Variants in DGKG observed in about 807,000 individuals in gnomAD.
The protein encoded by DGKG is diacylglycerol kinase gamma.
In DGKG, 78 loss-of-function variants were observed where a neutral mutation model predicts 105.3. The observed-to-expected ratio is 0.74, with a 90% CI of 0.62 to 0.89. The LOEUF is 0.89. Among genes scored for constraint, DGKG ranks in the 40% least tolerant of loss-of-function variants. The pLI, the probability that DGKG is intolerant of heterozygous loss-of-function variation, is 0.00. For missense variants in DGKG, 958 were observed against 1,020.1 expected (o/e 0.94, Z 0.83); for synonymous variants, 346 against 367.1 (o/e 0.94, Z 0.66).
chr3:186,269,582 A>T (rs1171916962), intron 11 of DGKG, among the ~76,000 whole-genome samples: 1 of 152,208 alleles, frequency 6.6e-6, no homozygotes, highest in Non-Finnish European at 1.5e-5. Flanking sequence ...AGACATCCTA[A>T]TGCCCAGCCG....
intron 21 of DGKG, among the ~76,000 whole-genome samples, chr3:186,202,803 GC>G (rs1718538010): frequency 6.6e-6 from 1 of 152,128 alleles, no homozygotes; most frequent in African/African-American, 2.4e-5. Flanking sequence ...ACTTTCTTGG[GC>G]CCCATCTATT....
chr3:186,346,095 A>G (rs966156855), intron 1 of DGKG, among the ~76,000 whole-genome samples: 56 of 152,282 alleles, frequency 3.7e-4, no homozygotes, highest in African/African-American at 1.3e-3. Context: ...TTGATGTACA[A>G]ATTATTAGTT....
chr3:186,217,045 T>C (rs1417255895), intron 20 of DGKG, among the ~76,000 whole-genome samples: 1 of 152,208 alleles, frequency 6.6e-6, no homozygotes, highest in African/African-American at 2.4e-5. Context: ...AGCAGGTGTT[T>C]AATGCATAGT....
intron 5 of DGKG, among the ~76,000 whole-genome samples, chr3:186,295,522 A>C (rs1406785816): frequency 6.8e-6 from 1 of 147,624 alleles, no homozygotes; most frequent in Non-Finnish European, 1.5e-5. Context: ...AATAATAATA[A>C]TAATAGTAAT....
Position 186,260,457 on chromosome 3 carries a change from T to C in DGKG, c.1406A>G (p.Asn469Ser). 1.2e-6 allele frequency: 2 copies of C among 1,612,964 alleles called. No individual in the cohort carries two copies. The highest frequency in any genetic ancestry group is 1.7e-6 in the Non-Finnish European group (2 of 1,178,974). The change falls in exon 16 of 25, where the codon AAT becomes AGT. Residue 469 changes from asparagine (N) to serine (S), a missense_variant. Physicochemically the swap from Asn to Ser is conservative, Grantham distance 46. Around this residue, in one of 2 missense-constraint regions of DGKG, gnomAD observed 643 missense variants for 619.5 expected, o/e 1.04. Transcript: ENST00000265022. Reference protein sequence around the residue: ...LNPKQVFNLDNGGPTPGLNFF... With the variant: ...LNPKQVFNLDSGGPTPGLNFF... ...TCCATACCCTGGAGTAGGCCCCCCATTGTCCAGGTTGAAAACTTGTTTGGG... is the reference window on the plus strand; with the variant it reads ...TCCATACCCTGGAGTAGGCCCCCCACTGTCCAGGTTGAAAACTTGTTTGGG...
intron 20 of DGKG, among the ~76,000 whole-genome samples, chr3:186,215,495 G>T (rs892973577): frequency 6.6e-6 from 1 of 151,838 alleles, no homozygotes; most frequent in African/African-American, 2.4e-5. Context: ...TGATGGTAGT[G>T]ACCTAATCAG....
chr3:186,258,459 C>T (rs2268837), intron 16 of DGKG, among the ~76,000 whole-genome samples: 16,065 of 152,098 alleles, frequency 0.11, 973 homozygotes, highest in Middle Eastern at 0.16. Context: ...TCCAAGGGTT[C>T]TATGGATTGG....
intron 5 of DGKG, among the ~76,000 whole-genome samples, chr3:186,291,997 C>T (rs1271497523): frequency 6.6e-6 from 1 of 152,150 alleles, no homozygotes; most frequent in Non-Finnish European, 1.5e-5. Flanking sequence ...GGCTGAGAGG[C>T]ACTGACACTG....
At chr3:186,279,622 T>G (rs1347632617) in intron 9 of DGKG, 1 of 403,828 alleles carries the variant, frequency 2.5e-6, no homozygotes, top group Non-Finnish European at 4.4e-6. Flanking sequence ...CCTCACAGCA[T>G]GCAGAACAGT....
At chr3:186,351,012 C>T (rs1035509206) in intron 1 of DGKG, among the ~76,000 whole-genome samples, 12 of 152,082 alleles carry the variant, frequency 7.9e-5, no homozygotes, top group African/African-American at 1.7e-4. Flanking sequence ...TTCAGATATG[C>T]GGTTTTCAAA....
chr3:186,207,339 C>T, intron 21 of DGKG: 2 of 554,710 alleles, frequency 3.6e-6, no homozygotes, highest in South Asian at 7.9e-5. Flanking sequence ...CAGTACTGCC[C>T]CGAAACTCTC....
intron 1 of DGKG, among the ~76,000 whole-genome samples, chr3:186,343,579 C>T (rs562439956): frequency 6.6e-6 from 1 of 152,258 alleles, no homozygotes; most frequent in East Asian, 1.9e-4. Flanking sequence ...GCCACTGCAC[C>T]TGGACTATCT....
intron 20 of DGKG, among the ~76,000 whole-genome samples, chr3:186,239,239 A>T (rs1720561156): frequency 1.3e-5 from 2 of 152,090 alleles, no homozygotes; most frequent in African/African-American, 4.8e-5. Context: ...AGCAATGACA[A>T]CTCCCAAGAT....
intron 1 of DGKG, among the ~76,000 whole-genome samples, chr3:186,343,876 GGT>G: frequency 6.6e-6 from 1 of 151,826 alleles, no homozygotes; most frequent in Non-Finnish European, 1.5e-5. Flanking sequence ...AGCATTATTT[GGT>G]GTTACTAAAC....
chr3:186,224,996 C>G (rs1483585890), intron 20 of DGKG, among the ~76,000 whole-genome samples: 2 of 151,998 alleles, frequency 1.3e-5, no homozygotes, highest in Admixed American at 1.3e-4. Flanking sequence ...ATTTCCATAT[C>G]TATTTATTAA....
chr3:186,216,863 G>A (rs926980012), intron 20 of DGKG, among the ~76,000 whole-genome samples: 1 of 152,138 alleles, frequency 6.6e-6, no homozygotes, highest in Admixed American at 6.5e-5. Flanking sequence ...ATCTTCTATT[G>A]TACAAGAATA....
At chr3:186,282,637 C>T (rs1486312538) in intron 7 of DGKG, among the ~76,000 whole-genome samples, 4 of 151,754 alleles carry the variant, frequency 2.6e-5, no homozygotes, top group South Asian at 2.1e-4. Flanking sequence ...CTCAGCCTCC[C>T]GAGTAGCTGG....
intron 15 of DGKG, among the ~76,000 whole-genome samples, chr3:186,261,429 CT>C: frequency 6.6e-6 from 1 of 152,304 alleles, no homozygotes; most frequent in South Asian, 2.1e-4. Flanking sequence ...CTCTAGTGGT[CT>C]TAATAATGGC....
intron 5 of DGKG, among the ~76,000 whole-genome samples, chr3:186,289,391 A>G (rs1723216757): frequency 6.6e-6 from 1 of 152,248 alleles, no homozygotes; most frequent in Non-Finnish European, 1.5e-5. Flanking sequence ...ACTAGGAAGA[A>G]CTCAAACTAA....
Sources: allele counts gnomAD v4.1 joint callset (sites outside exome capture counted in the v4.1 genomes callset), GRCh38; gene constraint gnomAD v4.1.1; regional missense constraint gnomAD v4.1.1; transcripts MANE v1.5; gene names NCBI Gene and HGNC (gene_info 2026-07-23, HGNC 2026-07-21).